CFAP54: variants seen among roughly 807,000 people sequenced by gnomAD.
CFAP54 encodes cilia and flagella associated protein 54, also known as cilia- and flagella-associated protein 54.
In CFAP54, 290 loss-of-function variants were observed where a neutral mutation model predicts 370.4. The observed-to-expected ratio is 0.78, with a 90% CI of 0.71 to 0.86. The LOEUF (loss-of-function observed/expected upper bound fraction) is 0.86. Among genes scored for constraint, CFAP54 ranks in the 40% least tolerant of loss-of-function variants. CFAP54 has a pLI of 0.00. For missense variants in CFAP54, 3,399 were observed against 3,528.7 expected, an observed-to-expected ratio of 0.96 and a Z score of 0.93; for synonymous variants, 1,206 against 1,236.5, an observed-to-expected ratio of 0.98 and a Z score of 0.52.
intron 13 of CFAP54, 125 bp from the exon 14 acceptor site, chr12:96,540,712 C>T: frequency 2.0e-6 from 1 of 493,390 alleles, no homozygotes; most frequent in Non-Finnish European, 3.3e-6. Flanking sequence ...GGAGGGGTAC[C>T]TGTGTAACAT....
Position 96,718,508 on chromosome 12 carries a change from C to A in CFAP54, c.6790C>A (p.Leu2264Ile). 1 of 1,565,460 alleles carries A rather than the reference C, an allele frequency of 6.4e-7. No homozygotes were observed. Among genetic ancestry groups the A allele is most frequent in the South Asian group, 1.1e-5 (1 of 89,340 alleles). Residue 2264 changes from leucine (L) to isoleucine (I), a missense_variant, in exon 49 of 68, where the codon CTT becomes ATT. Transcript: ENST00000524981. The stretch of plus-strand genomic sequence containing the variant: ...TACAAAACTTAAAGATGAGATCACT[C>A]TTAGCATGCTAAAGGTAAGTTTGAA... ...NLTKLKDEITLSMLKSMLLME... is the reference protein window; with the variant it reads ...NLTKLKDEITISMLKSMLLME...
chr12:96,606,556 C>T (rs1483446069), intron 26 of CFAP54, among the ~76,000 whole-genome samples: 3 of 152,166 alleles, frequency 2.0e-5, no homozygotes, highest in African/African-American at 7.2e-5. Flanking sequence ...CAAAGGCTTG[C>T]AGGAAGGCTA....
intron 40 of CFAP54, among the ~76,000 whole-genome samples, chr12:96,683,082 C>A (rs921678928): frequency 3.3e-5 from 5 of 152,018 alleles, no homozygotes; most frequent in Non-Finnish European, 7.4e-5. Context: ...CTTTTATTTC[C>A]TGAAATAAAA....
intron 2 of CFAP54, among the ~76,000 whole-genome samples, chr12:96,502,489 A>G (rs1296337120): frequency 6.6e-6 from 1 of 151,900 alleles, no homozygotes; most frequent in East Asian, 1.9e-4. Context: ...TAGTTGTAGT[A>G]AAGATCATCT....
intron 1 of CFAP54, among the ~76,000 whole-genome samples, chr12:96,493,356 G>C (rs1047941929): frequency 1.3e-5 from 2 of 152,194 alleles, no homozygotes; most frequent in African/African-American, 4.8e-5. Flanking sequence ...CAAATGCTAT[G>C]AAAGTAACTG....
At chr12:96,595,136 A>C (rs750781824) in intron 25 of CFAP54, among the ~76,000 whole-genome samples, 3 of 152,170 alleles carry the variant, frequency 2.0e-5, no homozygotes, top group Non-Finnish European at 2.9e-5. Flanking sequence ...GAGGTTTTAC[A>C]TAGGAGGTCC....
intron 66 of CFAP54, among the ~76,000 whole-genome samples, chr12:96,836,137 C>G (rs1177224612): frequency 1.3e-5 from 2 of 152,106 alleles, no homozygotes; most frequent in African/African-American, 4.8e-5. Context: ...AAGTTTGTAA[C>G]AAAAGGGCAG....
At chr12:96,683,789 A>C in intron 40 of CFAP54, among the ~76,000 whole-genome samples, 1 of 151,486 alleles carries the variant, frequency 6.6e-6, no homozygotes, top group South Asian at 2.1e-4. Flanking sequence ...AAATTGTGTG[A>C]TTTTGTTGTT....
At chr12:96,736,275 A>G (rs929938520) in intron 50 of CFAP54, among the ~76,000 whole-genome samples, 4 of 152,150 alleles carry the variant, frequency 2.6e-5, no homozygotes, top group African/African-American at 4.8e-5. Flanking sequence ...CTTCCTCTAC[A>G]GTGCTGGATA....
chr12:96,515,371 A>G (rs1283668539), intron 5 of CFAP54, among the ~76,000 whole-genome samples: 1 of 151,986 alleles, frequency 6.6e-6, no homozygotes, highest in Non-Finnish European at 1.5e-5. Context: ...TGAGGGATGC[A>G]ATAATTTTGG....
At chr12:96,616,514 G>T (rs1301192025) in intron 26 of CFAP54, among the ~76,000 whole-genome samples, 1 of 148,648 alleles carries the variant, frequency 6.7e-6, no homozygotes, top group African/African-American at 2.6e-5. Context: ...AGTGTAAAAA[G>T]AAAAAGATAA....
intron 50 of CFAP54, among the ~76,000 whole-genome samples, chr12:96,728,505 C>T (rs11108655): frequency 0.081 from 12,370 of 152,192 alleles, 944 homozygotes; most frequent in East Asian, 0.44. Flanking sequence ...ACGTAGTTCT[C>T]GACCCTTGGC....
rs1300588213 is a variant in CFAP54 at position 96,691,137 on chromosome 12, A to G, written c.6091A>G (p.Arg2031Gly). Residue 2031 changes from arginine (R) to glycine (G), a missense_variant, in exon 44 of 68, where the codon AGA becomes GGA. This residue lies in a region of CFAP54 where 2,796 missense variants were observed against 2,869.7 expected (regional missense o/e 0.97). Transcript: ENST00000524981. ...LSALLFQGLL[R>G]TTLPHPKAER... is the part of the protein sequence containing the mutation. ...TTTTTTTCATTTTCAGGGTTTGCTT[A>G]GAACAACACTTCCACATCCCAAAGC... The G allele has an allele frequency of 1.2e-6, 2 of 1,613,084 alleles. No individual in the cohort carries two copies. Among genetic ancestry groups the G allele is most frequent in the Non-Finnish European group, 1.7e-6 (2 of 1,179,594 alleles).
At chr12:96,573,137 G>A (rs955383686) in intron 19 of CFAP54, 4 of 724,314 alleles carry the variant, frequency 5.5e-6, no homozygotes, top group Non-Finnish European at 6.8e-6. Context: ...CCCGAGGAAG[G>A]ATATGTCTCC....
intron 66 of CFAP54, among the ~76,000 whole-genome samples, chr12:96,831,706 G>T (rs116939584): frequency 2.0e-5 from 3 of 152,162 alleles, no homozygotes; most frequent in African/African-American, 7.2e-5. Context: ...GCTTCCTGGG[G>T]TCAGAGGTGA....
At chr12:96,508,694 C>G (rs1955134191) in intron 4 of CFAP54, among the ~76,000 whole-genome samples, 1 of 146,294 alleles carries the variant, frequency 6.8e-6, no homozygotes, top group East Asian at 2.0e-4. Context: ...GCATTGTGCT[C>G]TAGATTTTAT....
intron 36 of CFAP54, among the ~76,000 whole-genome samples, chr12:96,654,807 T>C (rs1956903768): frequency 6.6e-6 from 1 of 150,460 alleles, no homozygotes; most frequent in Non-Finnish European, 1.5e-5. Context: ...ATATTTGTCT[T>C]TTTGTGTCTG....
chr12:96,816,104 T>C (rs1263161053), intron 64 of CFAP54, among the ~76,000 whole-genome samples: 1 of 152,216 alleles, frequency 6.6e-6, no homozygotes, highest in Non-Finnish European at 1.5e-5. Flanking sequence ...GTGAAGAAAG[T>C]CAATGGTAGC....
At chr12:96,708,433 T>C (rs951187749) in intron 47 of CFAP54, among the ~76,000 whole-genome samples, 175 bp from the exon 48 acceptor site, 1 of 152,112 alleles carries the variant, frequency 6.6e-6, no homozygotes, top group African/African-American at 2.4e-5. Flanking sequence ...GTTGAACTGT[T>C]GAGATGGTTC....
Sources: gnomAD v4.1 joint callset for allele counts (sites outside exome capture counted in the v4.1 genomes callset) on GRCh38, gnomAD v4.1.1 for gene constraint, gnomAD v4.1.1 regional missense constraint, MANE v1.5 for transcripts, NCBI Gene and HGNC (gene_info 2026-07-23, HGNC 2026-07-21) for gene names.